The following GFM2 variants were observed in gnomAD, a reference collection of about 807,000 sequenced individuals.
The protein encoded by GFM2 is ribosome-releasing factor 2, mitochondrial.
GFM2 carries 72 observed loss-of-function variants against 95.4 expected under a neutral mutation model. That is an observed-to-expected ratio of 0.76 (90% CI 0.62 to 0.92). The LOEUF (loss-of-function observed/expected upper bound fraction) is 0.92, where lower values mean the gene tolerates loss of function less well. Among genes scored for constraint, GFM2 ranks in the 40% least tolerant of loss-of-function variants. The probability of loss-of-function intolerance (pLI) is 0.00; values close to 1 mark genes in which losing one functional copy is unlikely to be tolerated. For synonymous variants in GFM2, 276 were observed against 317.5 expected (o/e 0.87, Z 1.39); for missense variants, 825 against 924.1 (o/e 0.89, Z 1.39).
intron 10 of GFM2, chr5:74,741,967 T>A (rs1299072274): frequency 6.3e-6 from 1 of 158,146 alleles, no homozygotes; most frequent in African/African-American, 2.4e-5. Context: ...GAGGTTTTAG[T>A]TTATAAAAAA....
chr5:74,724,658 A>G (rs1211667423), intron 19 of GFM2, among the ~76,000 whole-genome samples: 1 of 152,174 alleles, frequency 6.6e-6, no homozygotes, highest in Non-Finnish European at 1.5e-5. Context: ...CATGTCGAAG[A>G]GATATCAAGT....
intron 19 of GFM2, among the ~76,000 whole-genome samples, chr5:74,724,611 TAATC>T: frequency 6.6e-6 from 1 of 152,210 alleles, no homozygotes; most frequent in East Asian, 1.9e-4. Context: ...GCTTTGTTTT[TAATC>T]AAAAAGCTTT....
At chr5:74,764,615 A>C (rs1007109057) in intron 1 of GFM2, among the ~76,000 whole-genome samples, 1 of 151,786 alleles carries the variant, frequency 6.6e-6, no homozygotes, top group South Asian at 2.1e-4. Flanking sequence ...CCCCTGTGTT[A>C]AACCATTGTG....
At chr5:74,751,250 A>T in intron 6 of GFM2, 118 bp downstream of exon 6, 5 of 910,510 alleles carry the variant, frequency 5.5e-6, no homozygotes, top group Non-Finnish European at 8.4e-6. Context: ...AATGGTTGAG[A>T]TGGTAAATTT....
intron 17 of GFM2, 39 bp from the exon 18 acceptor site, chr5:74,726,165 C>T: frequency 1.3e-6 from 2 of 1,498,290 alleles, no homozygotes; most frequent in Non-Finnish European, 9.1e-7. Context: ...GAGATTAATT[C>T]TGGAAAGGTA....
chr5:74,753,367 G>A (rs1457190762), intron 5 of GFM2, among the ~76,000 whole-genome samples: 1 of 152,162 alleles, frequency 6.6e-6, no homozygotes, highest in East Asian at 1.9e-4. Flanking sequence ...GGAGGCTGAG[G>A]CAGGCAGATC....
chr5:74,763,884 G>A, intron 1 of GFM2, 118 bp from the exon 2 acceptor site: 17 of 522,532 alleles, frequency 3.3e-5, no homozygotes, highest in South Asian at 1.1e-4. Flanking sequence ...TTAAAAAGTT[G>A]GAACAATATT....
Position 74,722,381 on chromosome 5 carries a change from T to C in GFM2, c.2209A>G (p.Met737Val). The stretch of plus-strand genomic sequence containing the variant: ...CTTTTCAGTTACAAAGTACCTACCA[T>C]AATTTCTGCTAAGGGAACAAATCCA... Reference protein sequence around the residue: ...VIGFVPLAEIMGYSTVLRTLT... With the variant: ...VIGFVPLAEIVGYSTVLRTLT... Residue 737 changes from methionine (M) to valine (V), a missense_variant and splice_region_variant, in exon 20 of 21, where the codon ATG becomes GTG. Met to Val is a conservative substitution (Grantham distance 21, BLOSUM62 1). Transcript: ENST00000296805. The C allele has an allele frequency of 6.2e-7, 1 of 1,613,042 alleles. No homozygotes were observed. The highest frequency in any genetic ancestry group is 8.5e-7 in the Non-Finnish European group (1 of 1,179,364).
chr5:74,746,132 C>T lies in GFM2; in HGVS notation c.642G>A (p.Lys214=). 1 of 1,549,228 alleles carries T rather than the reference C, an allele frequency of 6.5e-7. No homozygotes were observed. The highest frequency in any genetic ancestry group is 1.3e-5 in the South Asian group (1 of 77,950). The change falls in exon 9 of 21, where the codon AAG becomes AAA. Residue 214 remains lysine, a synonymous_variant. Transcript: ENST00000296805. ...GTAAAAGCAAAGGCTTTGCCTTTAA[C>T]TTCTCTCTGATGCTTTCAACTGCAT... ...FKYAVESIRE[K]LKAKPLLLQL... is the part of the protein sequence containing the mutation.
chr5:74,738,706 C>T (rs1742965171), intron 12 of GFM2, 64 bp from the exon 13 acceptor site: 4 of 1,460,304 alleles, frequency 2.7e-6, no homozygotes, highest in Non-Finnish European at 2.8e-6. Context: ...GAAACTTAAC[C>T]TTAATGTCCC....
At chr5:74,746,226 C>A in intron 8 of GFM2, 61 bp from the exon 9 acceptor site, 2 of 918,866 alleles carry the variant, frequency 2.2e-6, no homozygotes, top group South Asian at 3.2e-5. Flanking sequence ...CCAAAGGTAT[C>A]AAGAGAGGAA....
At chr5:74,753,998 A>G (rs992162690) in intron 5 of GFM2, among the ~76,000 whole-genome samples, 22 of 152,328 alleles carry the variant, frequency 1.4e-4, no homozygotes, top group Middle Eastern at 3.4e-3. Context: ...AAAACCTATC[A>G]GATTAACAGC....
intron 15 of GFM2, among the ~76,000 whole-genome samples, chr5:74,735,731 G>T (rs1476773418): frequency 6.6e-6 from 1 of 152,170 alleles, no homozygotes; most frequent in African/African-American, 2.4e-5. Context: ...TTATTTTACT[G>T]TGGGAGCATA....
At chr5:74,729,436 C>T (rs925739436) in intron 17 of GFM2, among the ~76,000 whole-genome samples, 1 of 152,212 alleles carries the variant, frequency 6.6e-6, no homozygotes, top group African/African-American at 2.4e-5. Context: ...CAGATTACTA[C>T]TCCTACTTCC....
chr5:74,726,784 CA>C (rs1358922503), intron 17 of GFM2, among the ~76,000 whole-genome samples: 1 of 152,112 alleles, frequency 6.6e-6, no homozygotes, highest in Non-Finnish European at 1.5e-5. Context: ...ATTCATGGCC[CA>C]AATTCAAAAC....
At chr5:74,731,800 TAA>T (rs1257470563) in intron 16 of GFM2, among the ~76,000 whole-genome samples, 2 of 152,154 alleles carry the variant, frequency 1.3e-5, no homozygotes, top group East Asian at 3.9e-4. Context: ...TATGTTTGGG[TAA>T]AAAGTGTGAA....
chr5:74,746,218 A>G, intron 8 of GFM2, 53 bp from the exon 9 acceptor site: 1 of 1,041,264 alleles, frequency 9.6e-7, no homozygotes, highest in Non-Finnish European at 1.3e-6. Flanking sequence ...ATTCTTTACC[A>G]AAGGTATCAA....
chr5:74,747,732 G>T lies in GFM2; in HGVS notation c.568C>A (p.Arg190=), dbSNP rs924438731. 9.9e-6 allele frequency: 16 copies of T among 1,612,124 alleles called. No individual in the cohort carries two copies. Among genetic ancestry groups the T allele is most frequent in the Non-Finnish European group, 1.4e-5 (16 of 1,178,734 alleles). The part of the protein sequence containing the change: ...WRQADKHNIP[R]ICFLNKMDKT... ...TCCATCTTGTTTAAAAAACAGATTC[G>T]AGGTATATTGTGTTTATCAGCTTGC... The change falls in exon 8 of 21, where the codon CGA becomes AGA. Residue 190 remains arginine, a synonymous_variant. Transcript: ENST00000296805.
At chr5:74,723,597 C>T (rs1244227955) in intron 19 of GFM2, among the ~76,000 whole-genome samples, 2 of 152,128 alleles carry the variant, frequency 1.3e-5, no homozygotes, top group African/African-American at 2.4e-5. Context: ...CTTCTCTCTT[C>T]GAAACCTTTA....
Sources: gnomAD v4.1 joint callset for allele counts (sites outside exome capture counted in the v4.1 genomes callset) on GRCh38, gnomAD v4.1.1 for gene constraint, MANE v1.5 for transcripts, NCBI Gene and HGNC (gene_info 2026-07-23, HGNC 2026-07-21) for gene names.